Variants in DNM1 observed in about 807,000 individuals in gnomAD.
The protein encoded by DNM1 is dynamin-1.
In DNM1, 29 loss-of-function variants were observed where a neutral mutation model predicts 104.6. The observed-to-expected ratio is 0.28, with a 90% CI of 0.21 to 0.38. The LOEUF (loss-of-function observed/expected upper bound fraction) is 0.38, where lower values mean the gene tolerates loss of function less well. Ranked by LOEUF, DNM1 falls within the 10% of genes least tolerant of loss-of-function variation. The pLI, the probability that DNM1 is intolerant of heterozygous loss-of-function variation, is 1.00. For missense variants in DNM1, 640 were observed against 1,189.4 expected (o/e 0.54, Z 6.79); for synonymous variants, 445 against 475.8 (o/e 0.94, Z 0.84).
rs537019118 is a variant in DNM1 at position 128,216,610 on chromosome 9, T to G, written c.162-1621T>G. Among the ~76,000 whole-genome samples the G allele has an allele frequency of 2.6e-5, 4 of 152,302 alleles. No homozygotes were observed. The East Asian group carries it at 5.8e-4, about 22-fold the overall frequency. On this transcript the variant is annotated intron_variant, in intron 1 of 21. Transcript: ENST00000372923. ...TTACCATCCTTCTCCTTCTCCAGTA[T>G]AATTCCTGACTCCTCCCCAGCAGCG...
intron 1 of DNM1, among the ~76,000 whole-genome samples, chr9:128,205,685 GAGTT>G (rs1833905904): frequency 6.6e-6 from 1 of 152,196 alleles, no homozygotes; most frequent in Non-Finnish European, 1.5e-5. Flanking sequence ...GGGCTCCACC[GAGTT>G]CATGGGTGGA....
At chr9:128,252,572 A>G (rs1471730944) in intron 21 of DNM1, 1 of 385,844 alleles carries the variant, frequency 2.6e-6, no homozygotes, top group African/African-American at 2.1e-5. Flanking sequence ...AATGAGGAAG[A>G]GCTCTGTGGG....
chr9:128,218,817 G>C lies in DNM1; in HGVS notation c.385+86G>C. The C allele has an allele frequency of 6.8e-7, 1 of 1,465,338 alleles. No individual in the cohort carries two copies. The highest frequency in any genetic ancestry group is 9.1e-7 in the Non-Finnish European group (1 of 1,100,418). The allele number at this position is 1,465,338 out of a possible 1,614,324, so 90.8% of individuals were successfully genotyped here. On this transcript the variant is annotated intron_variant, in intron 3 of 21. Transcript: ENST00000372923. This position sits in a 1 kb window ranked among gnomAD's most constrained non-coding sequence, Gnocchi z 4.8. ...GTGCCTCGCTCCTCCTGCAGACTCC[G>C]CCCCTAGAATGACCCTGCCTCTGCA...
At position 128,247,845 on chromosome 9, in the gene DNM1, C is replaced by T. The variant is rs1424024905; in HGVS notation, c.1894-79C>T. 1.3e-6 allele frequency: 2 copies of T among 1,578,036 alleles called. No homozygotes were observed. The highest frequency in any genetic ancestry group is 1.7e-5 in the Admixed American group (1 of 57,250). On this transcript the variant is annotated intron_variant, in intron 17 of 21. Transcript: ENST00000372923. The surrounding 1 kb of genome is among the most constrained non-coding windows in gnomAD (Gnocchi z 5.1). Reference sequence around the variant, plus strand: ...TATCCCAGGTTCACTCAATCTCTCCCCTTTTCCTCTCTGTGTTTCCTTCGG... The same window carrying T: ...TATCCCAGGTTCACTCAATCTCTCCTCTTTTCCTCTCTGTGTTTCCTTCGG...
At chr9:128,244,451 C>T (rs967418841) in intron 15 of DNM1, among the ~76,000 whole-genome samples, 4 of 151,988 alleles carry the variant, frequency 2.6e-5, no homozygotes, top group African/African-American at 9.7e-5. Flanking sequence ...CTCTACTCAA[C>T]CACCAGCCCT....
chr9:128,228,351 T>G (rs998206184), intron 10 of DNM1, among the ~76,000 whole-genome samples: 1 of 151,958 alleles, frequency 6.6e-6, no homozygotes, highest in Non-Finnish European at 1.5e-5. Context: ...CCTAATAATT[T>G]TTTTGTTAAG....
At chr9:128,210,278 C>T (rs1235665938) in intron 1 of DNM1, among the ~76,000 whole-genome samples, 1 of 151,836 alleles carries the variant, frequency 6.6e-6, no homozygotes, top group East Asian at 1.9e-4. Flanking sequence ...TGGCCTCAAA[C>T]TCCTGGACTC....
In DNM1 at chr9:128,222,929, GTGA is replaced by G; in HGVS notation, c.1196+73_1196+75del. On this transcript the variant is annotated intron_variant, in intron 9 of 21. Transcript: ENST00000372923. The surrounding 1 kb of genome is among the most constrained non-coding windows in gnomAD (Gnocchi z 7.8). Reference sequence around the variant, plus strand: ...GGGGTCTGGGACAGAGGCACAGGGAGTGATGAAGTGGGCCTCCCTCAGGAAGGA... The same window carrying G: ...GGGGTCTGGGACAGAGGCACAGGGAGTGAAGTGGGCCTCCCTCAGGAAGGA... 6 of 1,454,428 alleles carry G rather than the reference GTGA, an allele frequency of 4.1e-6. No individual in the cohort carries two copies. The highest frequency in any genetic ancestry group is 5.8e-6 in the Non-Finnish European group (6 of 1,039,322). 90.1% of individuals were successfully genotyped at this position (1,454,428 alleles called of 1,614,324 possible).
At chr9:128,211,954 C>T (rs1834329028) in intron 1 of DNM1, among the ~76,000 whole-genome samples, 1 of 152,236 alleles carries the variant, frequency 6.6e-6, no homozygotes, top group African/African-American at 2.4e-5. Context: ...TTTAATCACT[C>T]TGTCTCATGT....
At chr9:128,223,044 C>T in intron 9 of DNM1, 184 bp downstream of exon 9, 1 of 626,432 alleles carries the variant, frequency 1.6e-6, no homozygotes. Flanking sequence ...GGACCCGGGC[C>T]ACCCCGCCTA....
At chr9:128,229,209 T>G (rs942998951) in intron 10 of DNM1, among the ~76,000 whole-genome samples, 2 of 151,718 alleles carry the variant, frequency 1.3e-5, no homozygotes, top group African/African-American at 2.4e-5. Context: ...CTGGGCAACA[T>G]AGCAAAACCC....
At position 128,220,742 on chromosome 9, in the gene DNM1, C is replaced by CGCGTGTGTGTGTGT. The variant is rs61020870; in HGVS notation, c.849+402_849+403insCGTGTGTGTGTGTG. On this transcript the variant is annotated intron_variant, in intron 6 of 21. Coordinates refer to ENST00000372923, the MANE Select transcript of DNM1 (RefSeq NM_004408.4). This position sits in a 1 kb window ranked among gnomAD's most constrained non-coding sequence, Gnocchi z 5.2. ...CAGAACTGAAGTGCGCGCGCGCGCG[C>CGCGTGTGTGTGTGT]GTGTGTGTGTGTGTGTGTGTGTGTG... is the stretch of plus-strand genomic sequence containing the variant. Among the ~76,000 whole-genome samples the CGCGTGTGTGTGTGT allele has an allele frequency of 2.0e-4, 27 of 136,362 alleles. No individual in the cohort carries two copies. The highest frequency in any genetic ancestry group is 7.1e-4 in the African/African-American group (27 of 37,808). 89.5% of individuals were successfully genotyped at this position (136,362 alleles called of 152,430 possible).
chr9:128,247,980 G>A lies in DNM1; in HGVS notation c.1905+45G>A. ...GCCTCCTGCCAGGCATCTGCAGCCTGGCACCAGCTCCAGCCAGGTTTTCAA... is the reference window on the plus strand; with the variant it reads ...GCCTCCTGCCAGGCATCTGCAGCCTAGCACCAGCTCCAGCCAGGTTTTCAA... On this transcript the variant is annotated intron_variant, in intron 18 of 21. Coordinates refer to ENST00000372923, the MANE Select transcript of DNM1 (RefSeq NM_004408.4). The surrounding 1 kb of genome is among the most constrained non-coding windows in gnomAD (Gnocchi z 5.1). 2 of 1,613,720 alleles carry A rather than the reference G, an allele frequency of 1.2e-6. No individual in the cohort carries two copies. The highest frequency in any genetic ancestry group is 1.3e-5 in the African/African-American group (1 of 75,018).
Position 128,222,158 on chromosome 9 carries a change from A to C in DNM1, c.850-39A>C. 1.3e-6 allele frequency: 2 copies of C among 1,581,260 alleles called. No homozygotes were observed. Among genetic ancestry groups the C allele is most frequent in the Non-Finnish European group, 1.7e-6 (2 of 1,162,296 alleles). Reference sequence around the variant, plus strand: ...ATCCAAGTCCCTTCCTGGCCCTGTGACCATCTGTCCTCAACCCTTTCCTCA... The same window carrying C: ...ATCCAAGTCCCTTCCTGGCCCTGTGCCCATCTGTCCTCAACCCTTTCCTCA... On this transcript the variant is annotated intron_variant, in intron 6 of 21. Transcript: ENST00000372923. This position sits in a 1 kb window ranked among gnomAD's most constrained non-coding sequence, Gnocchi z 7.8.
chr9:128,254,862 G>T lies in DNM1; in HGVS notation c.*148G>T. ...TAGTGGTGAGCTGATACATTCAGGT[G>T]TGACCGTTGGTGAAAACTTGTGCCC... On this transcript the variant is annotated 3_prime_UTR_variant, in exon 22 of 22. Transcript: ENST00000372923. The surrounding 1 kb of genome is among the most constrained non-coding windows in gnomAD (Gnocchi z 6.1). 1 of 670,452 alleles carries T rather than the reference G, an allele frequency of 1.5e-6. No individual in the cohort carries two copies. Among genetic ancestry groups the T allele is most frequent in the Non-Finnish European group, 2.6e-6 (1 of 390,300 alleles). 41.5% of individuals were successfully genotyped at this position (670,452 alleles called of 1,614,324 possible).
rs1360916003 is a variant in DNM1, at chr9:128,254,618, C to T, written c.2535-36C>T. On this transcript the variant is annotated intron_variant, in intron 21 of 21. Coordinates refer to ENST00000372923, the MANE Select transcript of DNM1 (RefSeq NM_004408.4). The surrounding 1 kb of genome is among the most constrained non-coding windows in gnomAD (Gnocchi z 6.1). Reference sequence around the variant, plus strand: ...TTACCAGCTCTCTCCTCGCTTTTCTCTCCCGTTTTCTCTCTGCTTTCTCTC... The same window carrying T: ...TTACCAGCTCTCTCCTCGCTTTTCTTTCCCGTTTTCTCTCTGCTTTCTCTC... 11 of 1,592,376 alleles carry T rather than the reference C, an allele frequency of 6.9e-6. No individual in the cohort carries two copies. The highest frequency in any genetic ancestry group is 1.3e-5 in the African/African-American group (1 of 74,686).
chr9:128,217,573 C>T (rs1438327359), intron 1 of DNM1, among the ~76,000 whole-genome samples: 1 of 152,112 alleles, frequency 6.6e-6, no homozygotes, highest in Non-Finnish European at 1.5e-5. Context: ...CCTGACACCC[C>T]GCCGGCTAAT....
chr9:128,251,084 A>G (rs1030877647), intron 21 of DNM1, 144 bp downstream of exon 21: 11 of 675,940 alleles, frequency 1.6e-5, no homozygotes, highest in African/African-American at 1.5e-4. Context: ...TGCCGGAGCC[A>G]CGCCACGTGT....
In DNM1 at chr9:128,254,396, CGT is replaced by C; in HGVS notation, c.2535-252_2535-251del. The C allele has an allele frequency of 1.4e-6, 2 of 1,417,926 alleles. No homozygotes were observed. The highest frequency in any genetic ancestry group is 9.1e-7 in the Non-Finnish European group (1 of 1,093,574). 87.8% of individuals were successfully genotyped at this position (1,417,926 alleles called of 1,614,324 possible). A position where few individuals can be genotyped will look rare whatever the true frequency, so the allele number is the denominator to read the frequency against. On this transcript the variant is annotated intron_variant, in intron 21 of 21. Transcript: ENST00000372923. This position sits in a 1 kb window ranked among gnomAD's most constrained non-coding sequence, Gnocchi z 6.1. ...GCCTGGGTGCCGTGTGAGAGGCCAGCGTGTGTGGGGTGGGGAGGGCCGCCACA... is the reference window on the plus strand; with the variant it reads ...GCCTGGGTGCCGTGTGAGAGGCCAGCGTGTGGGGTGGGGAGGGCCGCCACA...
Sources: allele counts gnomAD v4.1 joint callset (sites outside exome capture counted in the v4.1 genomes callset), GRCh38; gene constraint gnomAD v4.1.1; non-coding constraint Gnocchi (gnomAD v3.1); transcripts MANE v1.5; gene names NCBI Gene and HGNC (gene_info 2026-07-23, HGNC 2026-07-21).